The following ATG4D variants were observed in gnomAD, a reference collection of about 807,000 sequenced individuals.
The protein encoded by ATG4D is cysteine protease ATG4D.
Under a neutral mutation model 55.2 loss-of-function variants are expected in ATG4D, and 51 were observed. The ratio of observed to expected loss-of-function variants is 0.92; its 90% CI spans 0.74 to 1.17. The LOEUF (loss-of-function observed/expected upper bound fraction) is 1.17, where lower values mean the gene tolerates loss of function less well. Ranked by LOEUF, ATG4D falls within the 50% of genes most tolerant of loss-of-function variation. The pLI, the probability that ATG4D is intolerant of heterozygous loss-of-function variation, is 0.00. For synonymous variants in ATG4D, 268 were observed against 266.2 expected (o/e 1.01, Z -0.07); for missense variants, 635 against 649.6 (o/e 0.98, Z 0.25).
In ATG4D at chr19:10,547,048, C is replaced by G; in HGVS notation, c.703C>G (p.Leu235Val). The change falls in exon 4 of 10, where the codon CTT (leucine) becomes GTT (valine). Residue 235 changes from leucine (L) to valine (V), a missense_variant. Leu to Val is a conservative substitution (Grantham distance 32). Transcript: ENST00000309469. ...APFGLHRLVE[L>V]GQSSGKKAGD... Reference sequence around the variant, plus strand: ...CTTTGGCCTACACCGGCTGGTGGAGCTTGGGCAGAGCTCAGGCAAGAAGGC... The same window carrying G: ...CTTTGGCCTACACCGGCTGGTGGAGGTTGGGCAGAGCTCAGGCAAGAAGGC... The G allele has an allele frequency of 1.3e-6, 2 of 1,585,948 alleles. No individual in the cohort carries two copies. Among genetic ancestry groups the G allele is most frequent in the Non-Finnish European group, 8.6e-7 (1 of 1,167,768 alleles).
chr19:10,549,019 T>C lies in ATG4D; in HGVS notation c.951T>C (p.Tyr317=), dbSNP rs770295075. 96 of 1,614,000 alleles carry C rather than the reference T, an allele frequency of 5.9e-5. No homozygotes were observed. The highest frequency in any genetic ancestry group is 2.2e-5 in the East Asian group (1 of 44,880). ...RLGGETLNPV[Y]VPCVKELLRC... ...GTGGCGAGACTCTCAACCCCGTGTATGTGCCCTGCGTGAAGGTAGGTTCAG... is the reference window on the plus strand; with the variant it reads ...GTGGCGAGACTCTCAACCCCGTGTACGTGCCCTGCGTGAAGGTAGGTTCAG... The change falls in exon 6 of 10, where the codon TAT becomes TAC. Residue 317 remains tyrosine (Y), a synonymous_variant. Transcript: ENST00000309469.
At chr19:10,545,157 CT>C in intron 3 of ATG4D, 27 bp downstream of exon 3, 2 of 1,602,622 alleles carry the variant, frequency 1.2e-6, no homozygotes, top group Non-Finnish European at 1.7e-6. Context: ...AAGGGGTGCA[CT>C]AGGAGTACAG....
rs765493453 is a variant in ATG4D, at chr19:10,552,935, C to A, written c.1293C>A (p.Ala431=). ...ATERYPMFTL[A]EGHAQDHSLD... is the part of the protein sequence containing the mutation. ...AGCGGTACCCCATGTTCACCCTGGC[C>A]GAGGGCCATGCTCAGGACCACAGCC... The change falls in exon 10 of 10, where the codon GCC becomes GCA. Residue 431 remains alanine, a synonymous_variant. Coordinates refer to ENST00000309469, the MANE Select transcript of ATG4D (RefSeq NM_032885.6). The A allele has an allele frequency of 6.2e-7, 1 of 1,613,678 alleles. No homozygotes were observed. The highest frequency in any genetic ancestry group is 8.5e-7 in the Non-Finnish European group (1 of 1,179,942).
intron 3 of ATG4D, among the ~76,000 whole-genome samples, chr19:10,546,156 T>G (rs950978863): frequency 2.0e-5 from 3 of 151,664 alleles, no homozygotes; most frequent in Non-Finnish European, 4.4e-5. Context: ...CTCCTGTCTC[T>G]ACAAAAAAAT....
At chr19:10,550,973 G>C (rs1274618828) in intron 6 of ATG4D, 1 of 152,076 alleles carries the variant, frequency 6.6e-6, no homozygotes, top group Non-Finnish European at 1.5e-5. Context: ...GCCTCCCAAA[G>C]TACTGAGATT....
intron 6 of ATG4D, among the ~76,000 whole-genome samples, 200 bp from the exon 7 acceptor site, chr19:10,551,697 C>CAAAAA (rs35373422): frequency 3.2e-5 from 3 of 93,046 alleles, no homozygotes; most frequent in African/African-American, 9.6e-5. Context: ...GACTCCGTCT[C>CAAAAA]AAAAAAAAAA....
intron 3 of ATG4D, among the ~76,000 whole-genome samples, chr19:10,546,349 A>G (rs575851954): frequency 2.3e-4 from 35 of 149,906 alleles, no homozygotes; most frequent in African/African-American, 8.4e-4. Flanking sequence ...TATTATTATT[A>G]TTATTTTTTT....
intron 3 of ATG4D, 85 bp downstream of exon 3, chr19:10,545,215 G>A: frequency 6.7e-7 from 1 of 1,501,862 alleles, no homozygotes; most frequent in Non-Finnish European, 9.0e-7. Context: ...CCAACTAAGA[G>A]TTCAAAGTCA....
rs1482857078 is a variant in ATG4D at position 10,543,984 on chromosome 19, C to A, written c.-107C>A. Reference sequence around the variant, plus strand: ...TGGCCCGGTACCCTGGGGACGGGGGCCGAGTAGCGCCTTCCCCGGGCCCCG... The same window carrying A: ...TGGCCCGGTACCCTGGGGACGGGGGACGAGTAGCGCCTTCCCCGGGCCCCG... On this transcript the variant is annotated 5_prime_UTR_variant, in exon 1 of 10. Coordinates refer to ENST00000309469, the MANE Select transcript of ATG4D (RefSeq NM_032885.6). The A allele has an allele frequency of 1.7e-5, 12 of 701,852 alleles. No homozygotes were observed. Among genetic ancestry groups the A allele is most frequent in the Non-Finnish European group, 2.2e-5 (11 of 508,834 alleles). The allele number at this position is 701,852 out of a possible 1,614,324, so 43.5% of individuals were successfully genotyped here.
chr19:10,553,128 T>C lies in ATG4D; in HGVS notation c.*61T>C. The C allele has an allele frequency of 2.0e-6, 3 of 1,492,024 alleles. No homozygotes were observed. The highest frequency in any genetic ancestry group is 1.3e-5 in the South Asian group (1 of 77,688). 92.4% of individuals were successfully genotyped at this position (1,492,024 alleles called of 1,614,324 possible). ...ATTTTTTTATTTATGTCATGTCGGG[T>C]GTGGGATCTTGAGCTCTGGCAGTGA... On this transcript the variant is annotated 3_prime_UTR_variant, in exon 10 of 10. Transcript: ENST00000309469.
chr19:10,545,033 TG>T lies in ATG4D; in HGVS notation c.401del (p.Gly134AlafsTer3), dbSNP rs760386391. 8.1e-6 allele frequency: 13 copies of T among 1,612,780 alleles called. No individual in the cohort carries two copies. The highest frequency in any genetic ancestry group is 1.0e-5 in the Non-Finnish European group (12 of 1,179,582). ...ACCGCCGGGACTTCCCGCCCCTTCC[TG>T]GGGGCTGCCTGACCTCGGACTGTGG... ...TYRRDFPPLP[G>X]GCLTSDCGWG... On this transcript the variant is annotated frameshift_variant, in exon 3 of 10. Coordinates refer to ENST00000309469, the MANE Select transcript of ATG4D (RefSeq NM_032885.6). LOFTEE classifies it high-confidence loss of function.
rs1916133528 is a variant in ATG4D, at chr19:10,548,943, A to T, written c.875A>T (p.Asp292Val). 6 of 1,613,798 alleles carry T rather than the reference A, an allele frequency of 3.7e-6. No individual in the cohort carries two copies. In the African/African-American group the frequency reaches 8.0e-5, roughly 22 times the overall value. Reference sequence around the variant, plus strand: ...GTGGCACGCCTGGTGGCCAGGCCAGACCCCACAGCCGAGTGGAAGTCTGTG... The same window carrying T: ...GTGGCACGCCTGGTGGCCAGGCCAGTCCCCACAGCCGAGTGGAAGTCTGTG... ...ADVARLVARP[D>V]PTAEWKSVVI... The change falls in exon 6 of 10, where the codon GAC (aspartate) becomes GTC (valine). Residue 292 changes from aspartate (D) to valine (V), a missense_variant. Transcript: ENST00000309469.
At chr19:10,544,438 C>T in intron 1 of ATG4D, 113 bp downstream of exon 1, 1 of 1,037,800 alleles carries the variant, frequency 9.6e-7, no homozygotes, top group Non-Finnish European at 1.3e-6. Flanking sequence ...CTGTGGGTCC[C>T]CTCCCTGCCC....
intron 5 of ATG4D, among the ~76,000 whole-genome samples, chr19:10,547,606 C>T (rs1243085631): frequency 4.3e-5 from 5 of 116,936 alleles, no homozygotes; most frequent in African/African-American, 6.4e-5. Flanking sequence ...CCAGCCTGGG[C>T]GACAGAGTAG....
In ATG4D at chr19:10,553,406, C is replaced by A. The variant is rs1354225069; in HGVS notation, c.*339C>A. 1 of 247,514 alleles carries A rather than the reference C, an allele frequency of 4.0e-6. No individual in the cohort carries two copies. The highest frequency in any genetic ancestry group is 8.1e-5 in the East Asian group (1 of 12,364). 15.3% of individuals were successfully genotyped at this position (247,514 alleles called of 1,614,324 possible). ...CTGTGGCTGCTGGGGGCCAATAAAG[C>A]TGTGTAACTTGATCGTGGGTGTGGC... On this transcript the variant is annotated 3_prime_UTR_variant, in exon 10 of 10. Coordinates refer to ENST00000309469, the MANE Select transcript of ATG4D (RefSeq NM_032885.6).
rs759152766 is a variant in ATG4D at position 10,552,138 on chromosome 19, G to T, written c.1122+17G>T. On this transcript the variant is annotated intron_variant, in intron 8 of 9. Transcript: ENST00000309469. ...CCCCTGGAGGTGAGTGGGAGCCCCA[G>T]TGTGTGGTTGGGGCCATGGCGGGTG... is the stretch of plus-strand genomic sequence containing the variant. The T allele has an allele frequency of 3.7e-6, 6 of 1,611,908 alleles. 1 individual carries two copies. In the South Asian group the frequency reaches 4.4e-5, roughly 12 times the overall value.
At chr19:10,549,540 C>T in intron 6 of ATG4D, among the ~76,000 whole-genome samples, 1 of 152,214 alleles carries the variant, frequency 6.6e-6, no homozygotes. Context: ...GCCTCAGTCT[C>T]CCAGGTAGCT....
At chr19:10,548,164 G>A (rs1302080405) in intron 5 of ATG4D, among the ~76,000 whole-genome samples, 3 of 150,852 alleles carry the variant, frequency 2.0e-5, no homozygotes, top group African/African-American at 7.3e-5. Context: ...CCAATAGCTG[G>A]GACTACAGGC....
Position 10,546,864 on chromosome 19 carries a change from C to G in ATG4D, c.519C>G (p.Gly173=). The change falls in exon 4 of 10, where the codon GGC becomes GGG. Residue 173 remains glycine (G), a synonymous_variant. Transcript: ENST00000309469. ...ACTGGACATGGGCCGAGGGCATGGG[C>G]CTGGGCCCCCCTGAGCTGTCAGGGT... ...PRDWTWAEGM[G]LGPPELSGSA... The G allele has an allele frequency of 6.2e-7, 1 of 1,601,922 alleles. No individual in the cohort carries two copies. The highest frequency in any genetic ancestry group is 8.5e-7 in the Non-Finnish European group (1 of 1,173,182).
Sources: gnomAD v4.1 joint callset for allele counts (sites outside exome capture counted in the v4.1 genomes callset) on GRCh38, gnomAD v4.1.1 for gene constraint, MANE v1.5 for transcripts, NCBI Gene and HGNC (gene_info 2026-07-23, HGNC 2026-07-21) for gene names.